UVRAG: variants seen among roughly 807,000 people sequenced by gnomAD.
UVRAG encodes the protein UV radiation resistance-associated gene protein.
Under a neutral mutation model 78.0 loss-of-function variants are expected in UVRAG, and 19 were observed. That is an observed-to-expected ratio of 0.24 (90% confidence interval 0.17 to 0.36). The LOEUF is 0.36. Ranked by LOEUF, UVRAG falls within the 10% of genes least tolerant of loss-of-function variation. The pLI is 1.00. For synonymous variants in UVRAG, 323 were observed against 324.6 expected (o/e 1.00, Z 0.05); for missense variants, 740 against 853.8 (o/e 0.87, Z 1.66).
At chr11:75,947,403 A>G (rs1358560257) in intron 6 of UVRAG, among the ~76,000 whole-genome samples, 10 of 152,296 alleles carry the variant, frequency 6.6e-5, no homozygotes, top group Non-Finnish European at 1.2e-4. Context: ...GACATTTTAG[A>G]ATTCTGCCTA....
At chr11:76,030,037 A>G in intron 12 of UVRAG, among the ~76,000 whole-genome samples, 1 of 152,184 alleles carries the variant, frequency 6.6e-6, no homozygotes, top group East Asian at 1.9e-4. Context: ...TTAAACTAAG[A>G]TACGTACGTT....
chr11:75,903,034 G>T lies in UVRAG; in HGVS notation c.508-8920G>T, dbSNP rs1360232954. On this transcript the variant is annotated intron_variant, in intron 5 of 14. Coordinates refer to ENST00000356136, the MANE Select transcript of UVRAG (RefSeq NM_003369.4). The stretch of plus-strand genomic sequence containing the variant: ...CAGCCCAAATTCAGTCAGTTGTATA[G>T]TACTTTGGGTTCTGTCTCCGCTTTT... 2.0e-5 allele frequency among the ~76,000 whole-genome samples: 3 copies of T among 152,126 alleles called. No individual in the cohort carries two copies. In the East Asian group the frequency reaches 5.8e-4, roughly 29 times the overall value.
At chr11:75,880,928 CTTTTTTTTTTTTTT>C (rs773034018) in intron 4 of UVRAG, among the ~76,000 whole-genome samples, 36 of 87,710 alleles carry the variant, frequency 4.1e-4, no homozygotes, top group Admixed American at 3.1e-3. Flanking sequence ...TTATTTACTT[CTTTTTTTTTTTTTT>C]TTTTTTTTTT....
chr11:76,105,860 G>A (rs1951959065), intron 13 of UVRAG, among the ~76,000 whole-genome samples: 1 of 152,192 alleles, frequency 6.6e-6, no homozygotes, highest in Admixed American at 6.5e-5. Flanking sequence ...ACAGTACACA[G>A]CAACTGAAAC....
chr11:76,001,113 C>T (rs1949805493), intron 8 of UVRAG, among the ~76,000 whole-genome samples: 1 of 152,018 alleles, frequency 6.6e-6, no homozygotes, highest in Non-Finnish European at 1.5e-5. Flanking sequence ...CAAACAAATA[C>T]AAAATAATTA....
At chr11:75,970,942 T>C (rs764753035) in intron 7 of UVRAG, among the ~76,000 whole-genome samples, 7 of 152,158 alleles carry the variant, frequency 4.6e-5, no homozygotes, top group Non-Finnish European at 8.8e-5. Context: ...TTTTGACAAA[T>C]GTATTATGTA....
intron 13 of UVRAG, among the ~76,000 whole-genome samples, chr11:76,113,630 T>C (rs951109644): frequency 1.3e-5 from 2 of 152,130 alleles, no homozygotes; most frequent in African/African-American, 4.8e-5. Flanking sequence ...ATGCATTTAT[T>C]TTTGAGTTCC....
intron 1 of UVRAG, among the ~76,000 whole-genome samples, chr11:75,850,104 C>T (rs1206911086): frequency 6.6e-6 from 1 of 151,726 alleles, no homozygotes; most frequent in Non-Finnish European, 1.5e-5. Flanking sequence ...GCTGAAGTTA[C>T]AAAGTTACAC....
At chr11:76,096,768 A>G (rs779548236) in intron 13 of UVRAG, among the ~76,000 whole-genome samples, 2 of 152,164 alleles carry the variant, frequency 1.3e-5, no homozygotes, top group Non-Finnish European at 2.9e-5. Context: ...TCCACAAGCA[A>G]ATACCCTGAG....
intron 2 of UVRAG, among the ~76,000 whole-genome samples, chr11:75,860,798 T>A (rs569392698): frequency 2.6e-5 from 4 of 152,032 alleles, no homozygotes; most frequent in Non-Finnish European, 5.9e-5. Context: ...CTTTTCTTTT[T>A]TTTTTTTAGA....
At chr11:75,905,979 G>T (rs975129231) in intron 5 of UVRAG, among the ~76,000 whole-genome samples, 1 of 151,746 alleles carries the variant, frequency 6.6e-6, no homozygotes, top group Admixed American at 6.6e-5. Context: ...CTGTTTGTTT[G>T]TTATGCTATT....
chr11:75,999,567 G>T (rs1949771940), intron 8 of UVRAG, among the ~76,000 whole-genome samples: 1 of 151,936 alleles, frequency 6.6e-6, no homozygotes, highest in Non-Finnish European at 1.5e-5. Flanking sequence ...TTTTAGTAGA[G>T]ACGGGGTTTC....
At position 75,815,479 on chromosome 11, in the gene UVRAG, C is replaced by G. The variant is rs921069873; in HGVS notation, c.72C>G (p.Pro24=). The G allele has an allele frequency of 1.6e-6, 2 of 1,244,590 alleles. No individual in the cohort carries two copies. Among genetic ancestry groups the G allele is most frequent in the African/African-American group, 1.6e-5 (1 of 64,454 alleles). 77.1% of individuals were successfully genotyped at this position (1,244,590 alleles called of 1,614,324 possible). Residue 24 remains proline (P), a synonymous_variant, in exon 1 of 15, where the codon CCC becomes CCG. Coordinates refer to ENST00000356136, the MANE Select transcript of UVRAG (RefSeq NM_003369.4). ...PPPGPAAALP[P]GSAARALHVE... ...CGGGCCCGGCCGCTGCTCTGCCTCC[C>G]GGTTCTGCCGCGCGGGCCCTGCATG...
intron 14 of UVRAG, among the ~76,000 whole-genome samples, chr11:76,123,165 C>A (rs1405463113): frequency 6.6e-6 from 1 of 152,126 alleles, no homozygotes; most frequent in Admixed American, 6.5e-5. Context: ...GTCTCTGTGC[C>A]ACCTCTATTC....
intron 6 of UVRAG, chr11:75,930,988 C>CTTTCTTTCTTTCT: frequency 2.7e-5 from 1 of 37,542 alleles, no homozygotes; most frequent in Non-Finnish European, 6.7e-5. Flanking sequence ...TCTTTCTTTC[C>CTTTCTTTCTTTCT]ATTTTTAATT....
At chr11:76,111,571 G>C (rs1355211923) in intron 13 of UVRAG, among the ~76,000 whole-genome samples, 1 of 152,186 alleles carries the variant, frequency 6.6e-6, no homozygotes, top group African/African-American at 2.4e-5. Flanking sequence ...AGGTGATTAC[G>C]TGAAAGTGTA....
intron 12 of UVRAG, among the ~76,000 whole-genome samples, chr11:76,030,148 CAAAA>C (rs375696332): frequency 1.4e-5 from 2 of 146,884 alleles, no homozygotes; most frequent in African/African-American, 5.0e-5. Context: ...TACTGGGAAA[CAAAA>C]AAAAAACTGT....
intron 12 of UVRAG, among the ~76,000 whole-genome samples, chr11:76,038,061 A>G (rs1219024737): frequency 6.6e-6 from 1 of 152,318 alleles, no homozygotes; most frequent in East Asian, 1.9e-4. Flanking sequence ...CAATGGGATT[A>G]TCTATTGGTT....
At chr11:75,965,012 C>T (rs1362895452) in intron 7 of UVRAG, among the ~76,000 whole-genome samples, 1 of 152,124 alleles carries the variant, frequency 6.6e-6, no homozygotes, top group Non-Finnish European at 1.5e-5. Flanking sequence ...ATAGATTTGT[C>T]ATCTTAAAAT....
Sources: gnomAD v4.1 joint callset for allele counts (sites outside exome capture counted in the v4.1 genomes callset) on GRCh38, gnomAD v4.1.1 for gene constraint, MANE v1.5 for transcripts, NCBI Gene and HGNC (gene_info 2026-07-23, HGNC 2026-07-21) for gene names.